Variants in SPTBN1 observed in about 807,000 individuals in gnomAD.
SPTBN1 encodes spectrin beta, non-erythrocytic 1, also known as spectrin beta chain, non-erythrocytic 1.
Under a neutral mutation model 266.4 loss-of-function variants are expected in SPTBN1, and 32 were observed. That is an observed-to-expected ratio of 0.12 (90% CI 0.09 to 0.16). The LOEUF is 0.16. SPTBN1 is among the 10% of genes least tolerant of loss of function. The pLI is 1.00. For missense variants in SPTBN1, 2,296 were observed against 3,067.1 expected (o/e 0.75, Z 5.94); for synonymous variants, 1,336 against 1,162.2 (o/e 1.15, Z -3.04).
intron 1 of SPTBN1, among the ~76,000 whole-genome samples, chr2:54,483,913 G>T (rs1573241342): frequency 6.6e-6 from 1 of 152,142 alleles, no homozygotes; most frequent in African/African-American, 2.4e-5. Context: ...TCTGTATTGG[G>T]GCTGGGCATG....
intron 1 of SPTBN1, among the ~76,000 whole-genome samples, chr2:54,516,805 A>G (rs967308489): frequency 6.6e-6 from 1 of 152,218 alleles, no homozygotes. Flanking sequence ...ACATGTGCCC[A>G]AGGTGGTCAG....
Position 54,539,464 on chromosome 2 carries a change from T to C in SPTBN1, c.148+12898T>C, listed in dbSNP as rs923153907. ...GAAGTGGACAATAAATGTTTCTCTT[T>C]CCCCAAAGCCTTTCCCATCTTTCTC... On this transcript the variant is annotated intron_variant, in intron 2 of 35. Transcript: ENST00000356805. 4.6e-5 allele frequency among the ~76,000 whole-genome samples: 7 copies of C among 152,232 alleles called. No homozygotes were observed. In the South Asian group the frequency reaches 6.2e-4, roughly 14 times the overall value.
At chr2:54,516,860 A>G (rs911311779) in intron 1 of SPTBN1, among the ~76,000 whole-genome samples, 2 of 152,240 alleles carry the variant, frequency 1.3e-5, no homozygotes, top group South Asian at 2.1e-4. Flanking sequence ...CAGTACATCA[A>G]TCAGTACATG....
chr2:54,600,274 A>G (rs573039624), intron 3 of SPTBN1, among the ~76,000 whole-genome samples: 1 of 152,290 alleles, frequency 6.6e-6, no homozygotes, highest in South Asian at 2.1e-4. Context: ...TGGAGCCAGA[A>G]AAGTATTCTC....
chr2:54,593,823 C>CTTTTTTTTTTT lies in SPTBN1; in HGVS notation c.149-5252_149-5242dup, dbSNP rs374877354. Among the ~76,000 whole-genome samples, 62 of 64,794 alleles carry CTTTTTTTTTTT rather than the reference C, an allele frequency of 9.6e-4. 6 individuals are homozygous for CTTTTTTTTTTT. The highest frequency in any genetic ancestry group is 3.4e-3 in the Admixed American group (13 of 3,840). The allele number at this position is 64,794 out of a possible 152,430, so 42.5% of individuals were successfully genotyped here. ...TTCTAAGTCTTGTATCATGGAAACA[C>CTTTTTTTTTTT]TTTTTTTTTTTTTTTTTTTTTTTTT... On this transcript the variant is annotated intron_variant, in intron 2 of 35. Transcript: ENST00000356805.
At chr2:54,504,519 C>G (rs1216027284) in intron 1 of SPTBN1, among the ~76,000 whole-genome samples, 1 of 152,170 alleles carries the variant, frequency 6.6e-6, no homozygotes, top group Non-Finnish European at 1.5e-5. Context: ...GCACGATTTG[C>G]TGCTTACTGA....
rs372175923 is a variant in SPTBN1, at chr2:54,599,098, G to A, written c.155G>A (p.Arg52His). The A allele has an allele frequency of 1.2e-6, 2 of 1,613,900 alleles. No individual in the cohort carries two copies. Among genetic ancestry groups the A allele is most frequent in the African/African-American group, 1.3e-5 (1 of 74,892 alleles). The change falls in exon 3 of 36, where the codon CGT becomes CAT. Residue 52 changes from arginine to histidine, a missense_variant. Transcript: ENST00000356805. ...AGTTCTTCTCTGCTTGCAGATGAGC[G>A]TGAAGCCGTGCAGAAGAAGACCTTC... ...RSRIKALADE[R>H]EAVQKKTFTK... is the part of the protein sequence containing the mutation.
intron 2 of SPTBN1, among the ~76,000 whole-genome samples, chr2:54,573,603 CTCCCTCAGCGGGAAT>C (rs1674243039): frequency 6.6e-6 from 1 of 152,206 alleles, no homozygotes; most frequent in East Asian, 1.9e-4. Context: ...TTTGTTCCTC[CTCCCTCAGCGGGAAT>C]TCACAGTGTA....
chr2:54,474,958 C>T (rs1291152916), intron 1 of SPTBN1, among the ~76,000 whole-genome samples: 1 of 151,982 alleles, frequency 6.6e-6, no homozygotes, highest in Admixed American at 6.6e-5. Flanking sequence ...AGATTGCCTT[C>T]AGGTCAGGAG....
chr2:54,609,414 G>T (rs1015201844), intron 3 of SPTBN1, among the ~76,000 whole-genome samples: 1 of 152,108 alleles, frequency 6.6e-6, no homozygotes, highest in African/African-American at 2.4e-5. Flanking sequence ...GTAACATCTG[G>T]ACATCATTTT....
chr2:54,620,399 T>C (rs1677915985), intron 7 of SPTBN1, among the ~76,000 whole-genome samples: 1 of 152,206 alleles, frequency 6.6e-6, no homozygotes, highest in Non-Finnish European at 1.5e-5. Flanking sequence ...TATGGGGTCA[T>C]GAAGGCCATT....
At position 54,646,535 on chromosome 2, in the gene SPTBN1, C is replaced by G. The variant is rs898255990; in HGVS notation, c.4866+60C>G. 28 of 1,430,668 alleles carry G rather than the reference C, an allele frequency of 2.0e-5. No homozygotes were observed. The highest frequency in any genetic ancestry group is 7.2e-5 in the African/African-American group (5 of 69,728). 88.6% of individuals were successfully genotyped at this position (1,430,668 alleles called of 1,614,324 possible). On this transcript the variant is annotated intron_variant, in intron 23 of 35. Transcript: ENST00000356805. This position sits in a 1 kb window ranked among gnomAD's most constrained non-coding sequence, Gnocchi z 4.4. ...GAGCCTCAGATTCAAACCCTGGGCA[C>G]ACTTTCTGCTGGCGGCTCTGTCTGT...
chr2:54,536,863 G>C (rs985602207), intron 2 of SPTBN1, among the ~76,000 whole-genome samples: 1 of 151,938 alleles, frequency 6.6e-6, no homozygotes, highest in Non-Finnish European at 1.5e-5. Context: ...GAGACCCTGT[G>C]TCTCTGAAAA....
chr2:54,479,839 A>G (rs2103924787), intron 1 of SPTBN1, among the ~76,000 whole-genome samples: 1 of 150,760 alleles, frequency 6.6e-6, no homozygotes, highest in Non-Finnish European at 1.5e-5. Context: ...TTATCTTTAT[A>G]TTATTTCTCC....
chr2:54,565,751 C>T (rs1046963436), intron 2 of SPTBN1, among the ~76,000 whole-genome samples: 1 of 152,168 alleles, frequency 6.6e-6, no homozygotes. Flanking sequence ...TTGTGTTGAC[C>T]AGCAAATGAT....
chr2:54,622,539 A>G (rs775667308), intron 9 of SPTBN1, 52 bp downstream of exon 9: 1 of 1,582,174 alleles, frequency 6.3e-7, no homozygotes. Flanking sequence ...ACATCACTGT[A>G]GCCAACAGAT....
In SPTBN1 at chr2:54,591,151, T is replaced by A. The variant is rs138171503; in HGVS notation, c.149-7941T>A. Among the ~76,000 whole-genome samples, 113 of 152,360 alleles carry A rather than the reference T, an allele frequency of 7.4e-4. 4 individuals are homozygous for A. The East Asian group carries it at 0.021, about 28-fold the overall frequency. On this transcript the variant is annotated intron_variant, in intron 2 of 35. Coordinates refer to ENST00000356805, the MANE Select transcript of SPTBN1 (RefSeq NM_003128.3). Reference sequence around the variant, plus strand: ...TATCCCCAGCTAGATTTCTAGTTCATTGAGGGTAAGAGACTTTATCTTAGA... The same window carrying A: ...TATCCCCAGCTAGATTTCTAGTTCAATGAGGGTAAGAGACTTTATCTTAGA...
intron 30 of SPTBN1, among the ~76,000 whole-genome samples, chr2:54,658,343 C>G (rs917998148): frequency 1.3e-5 from 2 of 152,070 alleles, no homozygotes; most frequent in African/African-American, 4.8e-5. Flanking sequence ...TCATTCTCCC[C>G]TATCTCATAA....
At chr2:54,564,833 A>T (rs1673560664) in intron 2 of SPTBN1, among the ~76,000 whole-genome samples, 1 of 152,166 alleles carries the variant, frequency 6.6e-6, no homozygotes. Flanking sequence ...GCCTTTTGTT[A>T]CAGTTCCAGT....
Sources: gnomAD v4.1 joint callset for allele counts (sites outside exome capture counted in the v4.1 genomes callset) on GRCh38, gnomAD v4.1.1 for gene constraint, Gnocchi (gnomAD v3.1) non-coding constraint, MANE v1.5 for transcripts, NCBI Gene and HGNC (gene_info 2026-07-23, HGNC 2026-07-21) for gene names.